The following HPSE variants were observed in gnomAD, a reference collection of about 807,000 sequenced individuals.
HPSE encodes the protein endo-glucoronidase.
In HPSE, 48 loss-of-function variants were observed where a neutral mutation model predicts 65.1. The observed-to-expected ratio is 0.74, with a 90% CI of 0.58 to 0.94. The LOEUF is 0.94. HPSE is among the 40% of genes least tolerant of loss of function. The pLI, the probability that HPSE is intolerant of heterozygous loss-of-function variation, is 0.00. For missense variants in HPSE, 644 were observed against 637.5 expected, an observed-to-expected ratio of 1.01 and a Z score of -0.11; for synonymous variants, 243 against 260.0, an observed-to-expected ratio of 0.93 and a Z score of 0.63.
intron 3 of HPSE, among the ~76,000 whole-genome samples, chr4:83,316,347 A>ACC (rs1208597052): frequency 1.4e-4 from 11 of 79,810 alleles, no homozygotes; most frequent in Non-Finnish European, 2.7e-4. Context: ...TAAAAAAAAA[A>ACC]AACAAAAAAA....
intron 1 of HPSE, among the ~76,000 whole-genome samples, chr4:83,333,290 G>A (rs1165466190): frequency 1.3e-5 from 2 of 152,214 alleles, no homozygotes; most frequent in African/African-American, 4.8e-5. Flanking sequence ...AGGCAAGCTT[G>A]AGAAATTCCA....
chr4:83,324,364 T>G (rs2126196009), intron 1 of HPSE, among the ~76,000 whole-genome samples: 1 of 152,286 alleles, frequency 6.6e-6, no homozygotes, highest in East Asian at 1.9e-4. Flanking sequence ...TGCTCATGCT[T>G]AATTAAATAT....
intron 10 of HPSE, 148 bp from the exon 11 acceptor site, chr4:83,301,254 C>G (rs1454391141): frequency 5.9e-6 from 3 of 504,436 alleles, no homozygotes. Context: ...ACAGTGGGCC[C>G]TCTTAGTATC....
At chr4:83,306,351 T>G in intron 8 of HPSE, 34 bp from the exon 9 acceptor site, 1 of 1,206,184 alleles carries the variant, frequency 8.3e-7, no homozygotes, top group Non-Finnish European at 1.2e-6. Flanking sequence ...TTCTTGAGGT[T>G]TGGAAACAAA....
intron 6 of HPSE, 31 bp from the exon 7 acceptor site, chr4:83,309,526 A>G: frequency 8.2e-7 from 1 of 1,215,670 alleles, no homozygotes; most frequent in Non-Finnish European, 1.2e-6. Context: ...TCAGAAAAAA[A>G]ATAACAAATT....
intron 10 of HPSE, among the ~76,000 whole-genome samples, 173 bp from the exon 11 acceptor site, chr4:83,301,279 G>A (rs1052182185): frequency 3.9e-5 from 6 of 151,936 alleles, no homozygotes; most frequent in African/African-American, 1.2e-4. Context: ...TTTTATGATC[G>A]TTTTAGACCG....
Position 83,292,674 on chromosome 4 carries a change from TACTC to T in HPSE, c.*2666_*2669del, listed in dbSNP as rs1351118578. The T allele has an allele frequency of 1.3e-5, 2 of 152,224 alleles. No individual in the cohort carries two copies. The highest frequency in any genetic ancestry group is 2.9e-5 in the Non-Finnish European group (2 of 68,050). The allele number at this position is 152,224 out of a possible 1,614,324, so 9.4% of individuals were successfully genotyped here. On this transcript the variant is annotated 3_prime_UTR_variant, in exon 12 of 12. Coordinates refer to ENST00000311412, the MANE Select transcript of HPSE (RefSeq NM_001098540.3). ...GTGGTATATATGTACCATGGACTAT[TACTC>T]AGCCATAAAGAAGAATAATGTATTT...
chr4:83,310,635 G>T, intron 5 of HPSE, 87 bp downstream of exon 5: 3 of 1,265,168 alleles, frequency 2.4e-6, no homozygotes, highest in Non-Finnish European at 3.3e-6. Context: ...TTGTACCACT[G>T]CACTCCAGTC....
intron 9 of HPSE, among the ~76,000 whole-genome samples, chr4:83,303,270 T>C (rs1736024525): frequency 6.6e-6 from 1 of 152,202 alleles, no homozygotes; most frequent in African/African-American, 2.4e-5. Flanking sequence ...AACTCTATAA[T>C]GTAGGAAATA....
intron 8 of HPSE, among the ~76,000 whole-genome samples, 184 bp downstream of exon 8, chr4:83,308,661 C>A (rs1254247450): frequency 1.3e-5 from 2 of 152,306 alleles, no homozygotes; most frequent in East Asian, 3.9e-4. Context: ...TAATTTGGAA[C>A]ACTTGTTAAA....
chr4:83,333,462 G>C (rs1737478114), intron 1 of HPSE, among the ~76,000 whole-genome samples: 1 of 152,176 alleles, frequency 6.6e-6, no homozygotes, highest in African/African-American at 2.4e-5. Context: ...GTGGGCTCAG[G>C]GAGGACAGCA....
intron 1 of HPSE, among the ~76,000 whole-genome samples, chr4:83,331,204 GAA>G (rs559746321): frequency 6.9e-6 from 1 of 145,890 alleles, no homozygotes; most frequent in Non-Finnish European, 1.5e-5. Flanking sequence ...AATTGTCTCG[GAA>G]AAAAAAAAGA....
At chr4:83,306,753 C>A (rs1187279807) in intron 8 of HPSE, among the ~76,000 whole-genome samples, 1 of 152,168 alleles carries the variant, frequency 6.6e-6, no homozygotes, top group African/African-American at 2.4e-5. Context: ...TGAAAAGACC[C>A]CCTTCTTGCC....
At chr4:83,313,038 A>T in intron 4 of HPSE, 76 bp downstream of exon 4, 2 of 946,742 alleles carry the variant, frequency 2.1e-6, no homozygotes, top group Non-Finnish European at 3.0e-6. Context: ...AAAAAAAAAA[A>T]AAAGAAAAAG....
chr4:83,298,310 G>A (rs1350031082), intron 11 of HPSE, among the ~76,000 whole-genome samples: 1 of 152,144 alleles, frequency 6.6e-6, no homozygotes, highest in Non-Finnish European at 1.5e-5. Flanking sequence ...AAATGTATGA[G>A]ATAAATATAA....
rs1578020641 is a variant in HPSE at position 83,319,410 on chromosome 4, G to C, written c.433C>G (p.Pro145Ala). Residue 145 changes from proline (P) to alanine (A), a missense_variant, in exon 3 of 12, where the codon CCC becomes GCC. By Grantham distance (27) the Pro-to-Ala change is conservative (BLOSUM62 -1). Transcript: ENST00000311412. ...DVEEKLRLEWPYQEQLLLREH... is the reference protein window; with the variant it reads ...DVEEKLRLEWAYQEQLLLREH... ...CGGAGTAGCAATTGCTCCTGGTAGG[G>C]CCATTCCAACCGTAACTTCTCCTCC... 5.6e-6 allele frequency: 9 copies of C among 1,613,688 alleles called. No individual in the cohort carries two copies. The highest frequency in any genetic ancestry group is 1.7e-5 in the Admixed American group (1 of 60,012).
intron 4 of HPSE, among the ~76,000 whole-genome samples, chr4:83,312,912 C>T (rs1240631489): frequency 3.3e-4 from 17 of 51,094 alleles, no homozygotes; most frequent in Non-Finnish European, 6.2e-4. Flanking sequence ...GTCCCAGCTA[C>T]TCGGGAGGCT....
Position 83,309,416 on chromosome 4 carries a change from G to C in HPSE, c.970C>G (p.Gln324Glu). 6.4e-7 allele frequency: 1 copy of C among 1,571,088 alleles called. No homozygotes were observed. Among genetic ancestry groups the C allele is most frequent in the Non-Finnish European group, 8.7e-7 (1 of 1,150,790 alleles). The part of the protein sequence containing the change: ...DVLDIFISSV[Q>E]KVFQVVESTR... ...AAGACTATTACCTGGAAAACTTTTTGCACAGATGAAATAAAAATGTCCAAT... is the reference window on the plus strand; with the variant it reads ...AAGACTATTACCTGGAAAACTTTTTCCACAGATGAAATAAAAATGTCCAAT... The change falls in exon 7 of 12, where the codon CAA (glutamine) becomes GAA (glutamate). Residue 324 changes from glutamine (Q) to glutamate (E), a missense_variant. Gln to Glu is a conservative substitution (Grantham distance 29). Transcript: ENST00000311412.
chr4:83,306,121 C>G (rs1736138015), intron 9 of HPSE, 82 bp downstream of exon 9: 1 of 751,716 alleles, frequency 1.3e-6, no homozygotes, highest in East Asian at 2.5e-5. Flanking sequence ...AGAGGACTGA[C>G]TGTTCATAGG....
Sources: allele counts gnomAD v4.1 joint callset (sites outside exome capture counted in the v4.1 genomes callset), GRCh38; gene constraint gnomAD v4.1.1; transcripts MANE v1.5; gene names NCBI Gene and HGNC (gene_info 2026-07-23, HGNC 2026-07-21).